C2CD5: variants seen among roughly 807,000 people sequenced by gnomAD.
C2CD5 encodes C2 domain-containing protein 5.
A neutral mutation model predicts 130.3 loss-of-function variants in C2CD5; 109 were observed. The observed-to-expected ratio is 0.84, with a 90% CI of 0.72 to 0.98. The LOEUF (loss-of-function observed/expected upper bound fraction) is 0.98, where lower values mean the gene tolerates loss of function less well. C2CD5 is among the 50% of genes least tolerant of loss of function. The pLI is 0.00. For missense variants in C2CD5, 996 were observed against 1,261.8 expected (o/e 0.79, Z 3.19); for synonymous variants, 454 against 429.2 (o/e 1.06, Z -0.71).
chr12:22,506,777 G>C lies in C2CD5; in HGVS notation c.1081C>G (p.Leu361Val). ...CTAACTACACCCCCAACGTGTACAA[G>C]GAATCCAGGAGGAAATGCCGTCAAG... ...FTLTAFPPGF[L>V]VHVGGVVSAR... Residue 361 changes from leucine to valine, a missense_variant, in exon 10 of 27, where the codon CTT becomes GTT. By Grantham distance (32) the Leu-to-Val change is conservative. Transcript: ENST00000446597. 1 of 1,612,390 alleles carries C rather than the reference G, an allele frequency of 6.2e-7. No individual in the cohort carries two copies. Among genetic ancestry groups the C allele is most frequent in the African/African-American group, 1.3e-5 (1 of 74,984 alleles).
chr12:22,453,788 C>T, intron 26 of C2CD5, 108 bp downstream of exon 26: 1 of 925,012 alleles, frequency 1.1e-6, no homozygotes, highest in Non-Finnish European at 1.7e-6. Context: ...CGCATCTAGA[C>T]TCAAAGGGCT....
At position 22,495,028 on chromosome 12, in the gene C2CD5, T is replaced by C. The variant is rs980777999; in HGVS notation, c.1148-1691A>G. Among the ~76,000 whole-genome samples the C allele has an allele frequency of 4.6e-5, 7 of 152,252 alleles. No individual in the cohort carries two copies. In the Middle Eastern group the frequency reaches 0.01, roughly 222 times the overall value. On this transcript the variant is annotated intron_variant, in intron 10 of 26. Transcript: ENST00000446597. ...GTTGCTCTAATCTATTAAATGACTA[T>C]GATTCTGAGAAAATAATTGTCACAA... is the stretch of plus-strand genomic sequence containing the variant.
chr12:22,457,336 CATGAGAGGAA>C (rs1365466270), intron 24 of C2CD5, among the ~76,000 whole-genome samples, 175 bp from the exon 25 acceptor site: 1 of 152,072 alleles, frequency 6.6e-6, no homozygotes, highest in Admixed American at 6.6e-5. Context: ...GACAGAAAAA[CATGAGAGGAA>C]ATGCTGGAAT....
At chr12:22,454,645 T>C (rs890334389) in intron 25 of C2CD5, among the ~76,000 whole-genome samples, 1 of 151,968 alleles carries the variant, frequency 6.6e-6, no homozygotes, top group East Asian at 1.9e-4. Context: ...CCGAGATACC[T>C]TCTCTGACTG....
In C2CD5 at chr12:22,471,496, A is replaced by G; in HGVS notation, c.2269-8T>C. ...TAGTTTAAAGTACAGGCTCTACACA[A>G]TAGAAAATATTAGTAATGTCACTTT... On this transcript the variant is annotated splice_polypyrimidine_tract_variant and splice_region_variant and intron_variant, in intron 19 of 26. Coordinates refer to ENST00000446597, the MANE Select transcript of C2CD5 (RefSeq NM_001286176.2). 6.8e-7 allele frequency: 1 copy of G among 1,465,336 alleles called. No homozygotes were observed. Among genetic ancestry groups the G allele is most frequent in the Non-Finnish European group, 9.3e-7 (1 of 1,072,946 alleles). 90.8% of individuals were successfully genotyped at this position (1,465,336 alleles called of 1,614,324 possible).
intron 16 of C2CD5, 40 bp downstream of exon 16, chr12:22,474,711 C>A: frequency 1.3e-6 from 2 of 1,496,938 alleles, no homozygotes; most frequent in South Asian, 1.4e-5. Context: ...TGTATCTTAG[C>A]TTCCAAAACC....
intron 2 of C2CD5, among the ~76,000 whole-genome samples, chr12:22,536,085 G>C (rs58511219): frequency 7.3e-5 from 11 of 151,380 alleles, no homozygotes; most frequent in Non-Finnish European, 1.6e-4. Context: ...CCATGCACTG[G>C]TAAGGAACAA....
At chr12:22,521,640 T>G (rs538261284) in intron 7 of C2CD5, among the ~76,000 whole-genome samples, 2 of 152,240 alleles carry the variant, frequency 1.3e-5, no homozygotes, top group Admixed American at 1.3e-4. Context: ...TGGCAATTCT[T>G]ATCTTTCTAG....
chr12:22,535,357 A>C lies in C2CD5; in HGVS notation c.91-13T>G, dbSNP rs1226198758. On this transcript the variant is annotated splice_polypyrimidine_tract_variant and intron_variant, in intron 2 of 26. Coordinates refer to ENST00000446597, the MANE Select transcript of C2CD5 (RefSeq NM_001286176.2). ...TACCAAATTTTACCTAAAAACAAAT[A>C]AGAAATTATTCACATATGAATATCA... 11 of 1,357,904 alleles carry C rather than the reference A, an allele frequency of 8.1e-6. No individual in the cohort carries two copies. The highest frequency in any genetic ancestry group is 2.3e-5 in the East Asian group (1 of 43,612). The allele number at this position is 1,357,904 out of a possible 1,614,324, so 84.1% of individuals were successfully genotyped here.
At chr12:22,511,556 G>A (rs944868623) in intron 9 of C2CD5, among the ~76,000 whole-genome samples, 2 of 152,142 alleles carry the variant, frequency 1.3e-5, no homozygotes, top group African/African-American at 2.4e-5. Flanking sequence ...GAAAACTATA[G>A]TTCTCTACAC....
chr12:22,457,387 T>C (rs1303209000), intron 24 of C2CD5, among the ~76,000 whole-genome samples: 3 of 152,190 alleles, frequency 2.0e-5, no homozygotes, highest in Non-Finnish European at 4.4e-5. Context: ...ATGGCATTCC[T>C]GCAAAAGAAA....
rs1006383071 is a variant in C2CD5 at position 22,471,341 on chromosome 12, T to A, written c.2358+58A>T. On this transcript the variant is annotated intron_variant, in intron 20 of 26. Coordinates refer to ENST00000446597, the MANE Select transcript of C2CD5 (RefSeq NM_001286176.2). ...TTACGGCAAAATTATGATAAACAGATAATGAAAATAATAAAACAGATCAGA... is the reference window on the plus strand; with the variant it reads ...TTACGGCAAAATTATGATAAACAGAAAATGAAAATAATAAAACAGATCAGA... 7.5e-5 allele frequency: 69 copies of A among 919,732 alleles called. No individual in the cohort carries two copies. In the East Asian group the frequency reaches 8.9e-4, roughly 12 times the overall value. 57.0% of individuals were successfully genotyped at this position (919,732 alleles called of 1,614,324 possible). A position where few individuals can be genotyped will look rare whatever the true frequency, so the allele number is the denominator to read the frequency against.
At chr12:22,523,676 T>C in intron 6 of C2CD5, 52 bp from the exon 7 acceptor site, 2 of 1,318,522 alleles carry the variant, frequency 1.5e-6, no homozygotes, top group Non-Finnish European at 2.2e-6. Context: ...CATTACATAC[T>C]ATAAGACTGG....
chr12:22,503,787 C>G (rs1387619615), intron 10 of C2CD5, among the ~76,000 whole-genome samples: 1 of 152,182 alleles, frequency 6.6e-6, no homozygotes, highest in African/African-American at 2.4e-5. Flanking sequence ...GTTGGGATTA[C>G]AGGTGTAAGC....
chr12:22,543,910 G>GAC, intron 2 of C2CD5, 151 bp downstream of exon 2: 1 of 622,538 alleles, frequency 1.6e-6, no homozygotes, highest in East Asian at 2.8e-5. Context: ...CTGAGGTCTC[G>GAC]GCGGTCATCC....
At chr12:22,502,847 G>A (rs1157985901) in intron 10 of C2CD5, 1 of 1,101,398 alleles carries the variant, frequency 9.1e-7, no homozygotes, top group East Asian at 2.6e-5. Flanking sequence ...TTTAGGTGCA[G>A]AATAGTAGGA....
At chr12:22,502,911 G>T in intron 10 of C2CD5, 1 of 644,794 alleles carries the variant, frequency 1.6e-6, no homozygotes, top group Non-Finnish European at 2.8e-6. Flanking sequence ...CACTCGACAG[G>T]AACTGGAAAG....
intron 22 of C2CD5, among the ~76,000 whole-genome samples, chr12:22,462,884 C>T (rs1339878823): frequency 6.6e-5 from 10 of 151,800 alleles, no homozygotes; most frequent in East Asian, 3.9e-4. Context: ...CTCAGGAGCT[C>T]GAGACCAGCC....
intron 10 of C2CD5, among the ~76,000 whole-genome samples, chr12:22,498,945 C>G (rs1438720935): frequency 6.6e-6 from 1 of 152,078 alleles, no homozygotes; most frequent in Non-Finnish European, 1.5e-5. Context: ...GACATGCAAT[C>G]TCTACAGAGG....
Sources: allele counts gnomAD v4.1 joint callset (sites outside exome capture counted in the v4.1 genomes callset), GRCh38; gene constraint gnomAD v4.1.1; transcripts MANE v1.5; gene names NCBI Gene and HGNC (gene_info 2026-07-23, HGNC 2026-07-21).